The following PPP1R9A variants were observed in gnomAD, a reference collection of about 807,000 sequenced individuals.
PPP1R9A encodes protein phosphatase 1 regulatory subunit 9A.
Under a neutral mutation model 141.9 loss-of-function variants are expected in PPP1R9A, and 59 were observed. That is an observed-to-expected ratio of 0.42 (90% CI 0.34 to 0.52). The LOEUF is 0.52. PPP1R9A is among the 20% of genes least tolerant of loss of function. PPP1R9A has a pLI of 0.10. For missense variants in PPP1R9A, 1,444 were observed against 1,611.9 expected (o/e 0.90, Z 1.78); for synonymous variants, 500 against 569.7 (o/e 0.88, Z 1.74).
intron 7 of PPP1R9A, among the ~76,000 whole-genome samples, chr7:95,217,006 T>A (rs953455282): frequency 3.9e-5 from 6 of 152,316 alleles, no homozygotes; most frequent in African/African-American, 9.6e-5. Flanking sequence ...AACACTATGT[T>A]GAATAGGAGT....
Position 95,292,666 on chromosome 7 carries a change from T to C in PPP1R9A, c.*2363T>C, listed in dbSNP as rs1263854361. 3 of 152,208 alleles carry C rather than the reference T, an allele frequency of 2.0e-5. No individual in the cohort carries two copies. The highest frequency in any genetic ancestry group is 4.4e-5 in the Non-Finnish European group (3 of 68,028). The allele number at this position is 152,208 out of a possible 1,614,324, so 9.4% of individuals were successfully genotyped here. On this transcript the variant is annotated 3_prime_UTR_variant, in exon 20 of 20. Transcript: ENST00000433360. Reference sequence around the variant, plus strand: ...TTATTCCTAAAATCATTTAGTATTATAAGTATTTTGATTTTTTAAGTTAAA... The same window carrying C: ...TTATTCCTAAAATCATTTAGTATTACAAGTATTTTGATTTTTTAAGTTAAA...
chr7:94,991,272 A>G (rs1801471103), intron 2 of PPP1R9A, among the ~76,000 whole-genome samples: 1 of 152,116 alleles, frequency 6.6e-6, no homozygotes, highest in Admixed American at 6.6e-5. Flanking sequence ...TTCCCTGATG[A>G]TTAGTGATGT....
chr7:95,136,644 T>C (rs1825718419), intron 4 of PPP1R9A, among the ~76,000 whole-genome samples: 1 of 152,192 alleles, frequency 6.6e-6, no homozygotes. Flanking sequence ...CTCAGCAGGA[T>C]ATTTGCTTCT....
At chr7:95,196,171 G>C (rs532791920) in intron 5 of PPP1R9A, among the ~76,000 whole-genome samples, 2 of 152,266 alleles carry the variant, frequency 1.3e-5, no homozygotes, top group South Asian at 4.1e-4. Flanking sequence ...GGGTAAAACA[G>C]TTGAAAAGAT....
intron 2 of PPP1R9A, among the ~76,000 whole-genome samples, chr7:94,918,756 T>C (rs1482149750): frequency 6.6e-6 from 1 of 152,164 alleles, no homozygotes; most frequent in Non-Finnish European, 1.5e-5. Flanking sequence ...ATAGGAGACT[T>C]GAAGAAGAAT....
chr7:95,003,693 C>T (rs555669708), intron 2 of PPP1R9A, among the ~76,000 whole-genome samples: 1 of 152,248 alleles, frequency 6.6e-6, no homozygotes. Context: ...CACCTGGGAG[C>T]TTCTTAAAAT....
intron 4 of PPP1R9A, among the ~76,000 whole-genome samples, chr7:95,131,502 C>A (rs561761869): frequency 9.2e-5 from 14 of 152,240 alleles, no homozygotes; most frequent in Admixed American, 3.3e-4. Context: ...TGTGTTTGTA[C>A]CAGTAGTATG....
intron 16 of PPP1R9A, among the ~76,000 whole-genome samples, chr7:95,279,878 T>C (rs2153070148): frequency 6.6e-6 from 1 of 152,328 alleles, no homozygotes; most frequent in Non-Finnish European, 1.5e-5. Flanking sequence ...ATTTTGATAG[T>C]ATGGATTTTA....
intron 2 of PPP1R9A, among the ~76,000 whole-genome samples, chr7:95,003,228 A>T (rs1803181995): frequency 6.6e-6 from 1 of 152,158 alleles, no homozygotes; most frequent in Admixed American, 6.6e-5. Context: ...CAGTCATCAG[A>T]TTCAAGCCTA....
At chr7:94,988,656 G>A (rs976872168) in intron 2 of PPP1R9A, among the ~76,000 whole-genome samples, 15 of 151,952 alleles carry the variant, frequency 9.9e-5, no homozygotes, top group African/African-American at 2.7e-4. Flanking sequence ...AATGAGAAAC[G>A]TCTACTTTCT....
At chr7:95,202,991 A>C (rs1789909087) in intron 6 of PPP1R9A, among the ~76,000 whole-genome samples, 2 of 152,088 alleles carry the variant, frequency 1.3e-5, no homozygotes, top group African/African-American at 4.8e-5. Flanking sequence ...AGTCTTAGCT[A>C]TAGATAGCAT....
At chr7:95,255,314 T>C (rs1799425935) in intron 12 of PPP1R9A, among the ~76,000 whole-genome samples, 2 of 152,134 alleles carry the variant, frequency 1.3e-5, no homozygotes, top group South Asian at 4.1e-4. Flanking sequence ...TATTCCAGGA[T>C]CCTTATGTTG....
At chr7:95,124,325 T>C (rs1171890600) in intron 4 of PPP1R9A, among the ~76,000 whole-genome samples, 1 of 152,142 alleles carries the variant, frequency 6.6e-6, no homozygotes, top group Non-Finnish European at 1.5e-5. Context: ...ATTAATATGA[T>C]GCCCTTCTTG....
intron 5 of PPP1R9A, among the ~76,000 whole-genome samples, chr7:95,183,178 C>T (rs1349612040): frequency 1.3e-5 from 2 of 151,718 alleles, no homozygotes; most frequent in African/African-American, 2.4e-5. Context: ...CTCTCTGTTA[C>T]CCAGGCTAGA....
intron 2 of PPP1R9A, among the ~76,000 whole-genome samples, chr7:95,093,201 C>A (rs1031513164): frequency 2.0e-5 from 3 of 152,054 alleles, no homozygotes; most frequent in African/African-American, 7.2e-5. Flanking sequence ...GACTAGAATG[C>A]AAAACTGTAA....
chr7:95,122,362 G>T (rs1299705801), intron 4 of PPP1R9A, among the ~76,000 whole-genome samples: 1 of 152,042 alleles, frequency 6.6e-6, no homozygotes, highest in East Asian at 1.9e-4. Flanking sequence ...GGTCAGAATG[G>T]CCTCGAACTC....
At chr7:95,031,921 C>A (rs1277250671) in intron 2 of PPP1R9A, among the ~76,000 whole-genome samples, 2 of 152,194 alleles carry the variant, frequency 1.3e-5, no homozygotes, top group African/African-American at 4.8e-5. Context: ...AGTCACTCAG[C>A]TAGTAAATGC....
intron 16 of PPP1R9A, among the ~76,000 whole-genome samples, chr7:95,280,474 A>G (rs925985075): frequency 6.6e-6 from 1 of 152,214 alleles, no homozygotes; most frequent in Non-Finnish European, 1.5e-5. Flanking sequence ...CAGCCCCAGG[A>G]TACACTGGAT....
chr7:95,158,836 T>C (rs755411461), intron 4 of PPP1R9A, among the ~76,000 whole-genome samples: 6 of 152,112 alleles, frequency 3.9e-5, no homozygotes, highest in Non-Finnish European at 7.4e-5. Context: ...TACAAACATA[T>C]GAAAAAATGT....
Sources: gnomAD v4.1 joint callset for allele counts (sites outside exome capture counted in the v4.1 genomes callset) on GRCh38, gnomAD v4.1.1 for gene constraint, MANE v1.5 for transcripts, NCBI Gene and HGNC (gene_info 2026-07-23, HGNC 2026-07-21) for gene names.